The following TGFBR2 variants were observed in gnomAD, a reference collection of about 807,000 sequenced individuals.
TGFBR2 encodes transforming growth factor beta receptor 2.
In TGFBR2, 18 loss-of-function variants were observed where a neutral mutation model predicts 49.0. The ratio of observed to expected loss-of-function variants is 0.37; its 90% CI spans 0.25 to 0.54. TGFBR2 has a LOEUF of 0.54. Among genes scored for constraint, TGFBR2 ranks in the 20% least tolerant of loss-of-function variants. The pLI is 0.85. For synonymous variants in TGFBR2, 282 were observed against 275.9 expected, an observed-to-expected ratio of 1.02 and a Z score of -0.22; for missense variants, 525 against 722.6, an observed-to-expected ratio of 0.73 and a Z score of 3.13.
chr3:30,634,404 C>G (rs1698489700), intron 1 of TGFBR2, among the ~76,000 whole-genome samples: 1 of 152,174 alleles, frequency 6.6e-6, no homozygotes, highest in Non-Finnish European at 1.5e-5. Context: ...ATTTCCAAAG[C>G]TCTTTTGATG....
chr3:30,611,800 A>G (rs772558472), intron 1 of TGFBR2, among the ~76,000 whole-genome samples: 91 of 152,284 alleles, frequency 6.0e-4, no homozygotes, highest in Non-Finnish European at 4.0e-4. Context: ...GCAAACCACC[A>G]AAGCAGTTTT....
In TGFBR2 at chr3:30,693,429, T is replaced by C. The variant is rs1699745990; in HGVS notation, c.*1830T>C. On this transcript the variant is annotated 3_prime_UTR_variant, in exon 7 of 7. Coordinates refer to ENST00000295754, the MANE Select transcript of TGFBR2 (RefSeq NM_003242.6). Reference sequence around the variant, plus strand: ...GTTAATGCTGCAAGTAATCTCTTTTTTAAAACTTTTTGAAGCTACTTATTT... The same window carrying C: ...GTTAATGCTGCAAGTAATCTCTTTTCTAAAACTTTTTGAAGCTACTTATTT... 1 of 233,628 alleles carries C rather than the reference T, an allele frequency of 4.3e-6. No individual in the cohort carries two copies. The highest frequency in any genetic ancestry group is 5.6e-5 in the Admixed American group (1 of 17,774). 14.5% of individuals were successfully genotyped at this position (233,628 alleles called of 1,614,324 possible).
At chr3:30,664,681 C>T (rs1236861412) in intron 3 of TGFBR2, among the ~76,000 whole-genome samples, 2 of 152,200 alleles carry the variant, frequency 1.3e-5, no homozygotes, top group Non-Finnish European at 1.5e-5. Context: ...CACGCGCGTG[C>T]GCGCACACAC....
intron 1 of TGFBR2, among the ~76,000 whole-genome samples, chr3:30,641,486 G>T (rs1698644975): frequency 2.0e-5 from 3 of 152,130 alleles, no homozygotes; most frequent in Non-Finnish European, 4.4e-5. Flanking sequence ...GGAGTCGATG[G>T]CTGGTGCTGA....
chr3:30,607,533 A>G (rs1452042020), intron 1 of TGFBR2, among the ~76,000 whole-genome samples: 1 of 152,154 alleles, frequency 6.6e-6, no homozygotes, highest in Non-Finnish European at 1.5e-5. Context: ...ATCGATTTCC[A>G]AAAGAAAGTT....
chr3:30,636,925 G>C (rs562706713), intron 1 of TGFBR2, among the ~76,000 whole-genome samples: 1 of 152,058 alleles, frequency 6.6e-6, no homozygotes, highest in African/African-American at 2.4e-5. Flanking sequence ...TTAGCCAAGC[G>C]TGGTGTTGGG....
chr3:30,691,321 C>T (rs1184962671), intron 6 of TGFBR2, 99 bp from the exon 7 acceptor site: 1 of 1,366,392 alleles, frequency 7.3e-7, no homozygotes, highest in East Asian at 2.4e-5. Flanking sequence ...ACTTTTGGAC[C>T]CTGCTTGCAC....
intron 3 of TGFBR2, among the ~76,000 whole-genome samples, chr3:30,666,863 C>T (rs1699255416): frequency 6.6e-6 from 1 of 151,504 alleles, no homozygotes; most frequent in South Asian, 2.1e-4. Context: ...CCAGGCTAGT[C>T]TCAAACTCCT....
intron 5 of TGFBR2, among the ~76,000 whole-genome samples, chr3:30,683,683 A>G (rs939544524): frequency 4.6e-5 from 7 of 152,252 alleles, no homozygotes; most frequent in Non-Finnish European, 7.3e-5. Context: ...TTTAAGCACC[A>G]TCATGAAAAA....
rs1698861260 is a variant in TGFBR2, at chr3:30,650,445, A to G, written c.439A>G (p.Ile147Val). 1.9e-6 allele frequency: 3 copies of G among 1,613,770 alleles called. No homozygotes were observed. In the South Asian group the frequency reaches 3.3e-5, roughly 18 times the overall value. The change falls in exon 3 of 7, where the codon ATC becomes GTC. Residue 147 changes from isoleucine (I) to valine (V), a missense_variant. Around this residue, in one of 3 missense-constraint regions of TGFBR2, gnomAD observed 376 missense variants for 478.2 expected, o/e 0.79. Transcript: ENST00000295754. ...TAGCTCTGATGAGTGCAATGACAAC[A>G]TCATCTTCTCAGAAGGTGAGTTTTC... ...SCSSDECNDNIIFSEEYNTSN... is the reference protein window; with the variant it reads ...SCSSDECNDNVIFSEEYNTSN...
intron 3 of TGFBR2, among the ~76,000 whole-genome samples, chr3:30,666,203 C>T (rs1462737607): frequency 6.6e-6 from 1 of 152,052 alleles, no homozygotes; most frequent in Non-Finnish European, 1.5e-5. Context: ...TTTTTATGGG[C>T]CTTGGATAAA....
chr3:30,641,597 G>A (rs1698646916), intron 1 of TGFBR2, among the ~76,000 whole-genome samples: 1 of 152,132 alleles, frequency 6.6e-6, no homozygotes, highest in Admixed American at 6.6e-5. Flanking sequence ...CCCTGGCTGG[G>A]TTCTTGTGAA....
rs59500516 is a variant in TGFBR2 at position 30,619,341 on chromosome 3, T to C, written c.94+12364T>C. ...TCTTTCTCTGTCAATAACACAGGCA[T>C]TGCCCTCAGTTAAATCTCCCCCCAG... On this transcript the variant is annotated intron_variant, in intron 1 of 6. Coordinates refer to ENST00000295754, the MANE Select transcript of TGFBR2 (RefSeq NM_003242.6). Among the ~76,000 whole-genome samples the C allele has an allele frequency of 1.8e-3, 268 of 152,314 alleles. 1 individual carries two copies. The highest frequency in any genetic ancestry group is 6.1e-3 in the African/African-American group (255 of 41,566).
chr3:30,679,436 A>G (rs534701308), intron 5 of TGFBR2, among the ~76,000 whole-genome samples: 1 of 152,316 alleles, frequency 6.6e-6, no homozygotes, highest in South Asian at 2.1e-4. Flanking sequence ...AAACATAAAC[A>G]GATGATAATA....
chr3:30,665,601 G>T (rs776401709), intron 3 of TGFBR2, among the ~76,000 whole-genome samples: 1 of 152,158 alleles, frequency 6.6e-6, no homozygotes, highest in Non-Finnish European at 1.5e-5. Flanking sequence ...AGCATCCACA[G>T]TTGTCCATGT....
At chr3:30,606,998 G>A (rs1221982872) in intron 1 of TGFBR2, 21 bp downstream of exon 1, 2 of 1,560,032 alleles carry the variant, frequency 1.3e-6, no homozygotes, top group South Asian at 2.3e-5. Flanking sequence ...CCCAGCCCGG[G>A]CTCGGCGGGG....
chr3:30,616,990 G>A (rs1698145429), intron 1 of TGFBR2, among the ~76,000 whole-genome samples: 1 of 151,794 alleles, frequency 6.6e-6, no homozygotes, highest in Non-Finnish European at 1.5e-5. Context: ...TGGTTAAAAT[G>A]TCTGTGAAAA....
intron 2 of TGFBR2, among the ~76,000 whole-genome samples, chr3:30,645,374 T>C (rs1388906086): frequency 6.6e-6 from 1 of 152,072 alleles, no homozygotes; most frequent in Non-Finnish European, 1.5e-5. Context: ...AAATGGGGAA[T>C]CTACTTGGAG....
chr3:30,656,894 A>G (rs1374269481), intron 3 of TGFBR2, among the ~76,000 whole-genome samples: 1 of 152,220 alleles, frequency 6.6e-6, no homozygotes, highest in Non-Finnish European at 1.5e-5. Flanking sequence ...GAACTCATAG[A>G]ACAACTATAG....
Sources: gnomAD v4.1 joint callset for allele counts (sites outside exome capture counted in the v4.1 genomes callset) on GRCh38, gnomAD v4.1.1 for gene constraint, gnomAD v4.1.1 regional missense constraint, MANE v1.5 for transcripts, NCBI Gene and HGNC (gene_info 2026-07-23, HGNC 2026-07-21) for gene names.